USP19: variants seen among roughly 807,000 people sequenced by gnomAD.
USP19 encodes the protein ubiquitin carboxyl-terminal hydrolase 19.
Under a neutral mutation model 144.8 loss-of-function variants are expected in USP19, and 40 were observed. That is an observed-to-expected ratio of 0.28 (90% CI 0.21 to 0.36). The LOEUF (loss-of-function observed/expected upper bound fraction) is 0.36. Ranked by LOEUF, USP19 falls within the 10% of genes least tolerant of loss-of-function variation. USP19 has a pLI of 1.00. For synonymous variants in USP19, 701 were observed against 709.3 expected (o/e 0.99, Z 0.19); for missense variants, 1,518 against 1,822.5 (o/e 0.83, Z 3.04).
intron 26 of USP19, among the ~76,000 whole-genome samples, chr3:49,109,652 G>A (rs1018796559): frequency 5.9e-5 from 9 of 152,248 alleles, no homozygotes; most frequent in Non-Finnish European, 1.0e-4. Context: ...CCAGAAAAGA[G>A]ATGTGCCTAC....
In USP19 at chr3:49,108,347, C is replaced by A. The variant is rs1056912285; in HGVS notation, c.*65G>T. 1 of 538,022 alleles carries A rather than the reference C, an allele frequency of 1.9e-6. No homozygotes were observed. 33.3% of individuals were successfully genotyped at this position (538,022 alleles called of 1,614,324 possible). ...GTCCTCTGGGTTAGAGAAGGAGAAG[C>A]GGCAAGGAGCTGGCCCTCTGTGTGG... On this transcript the variant is annotated 3_prime_UTR_variant, in exon 27 of 27. Transcript: ENST00000417901. This position sits in a 1 kb window ranked among gnomAD's most constrained non-coding sequence, Gnocchi z 4.8.
Position 49,117,580 on chromosome 3 carries a change from G to C in USP19, c.473-10C>G. On this transcript the variant is annotated splice_polypyrimidine_tract_variant and intron_variant, in intron 4 of 26. Transcript: ENST00000417901. This position sits in a 1 kb window ranked among gnomAD's most constrained non-coding sequence, Gnocchi z 4.4. ...CCCCACTGCTGACCACCTGGGGACA[G>C]AGCAGGGTCCATGAGGTAGGATAGG... is the stretch of plus-strand genomic sequence containing the variant. 1.9e-6 allele frequency: 3 copies of C among 1,614,130 alleles called. No individual in the cohort carries two copies. Among genetic ancestry groups the C allele is most frequent in the Non-Finnish European group, 1.7e-6 (2 of 1,180,032 alleles).
Position 49,108,763 on chromosome 3 carries a change from A to T in USP19, c.4039-235T>A. The T allele has an allele frequency of 7.1e-7, 1 of 1,407,786 alleles. No individual in the cohort carries two copies. The highest frequency in any genetic ancestry group is 2.5e-4 in the Middle Eastern group (1 of 4,074). 87.2% of individuals were successfully genotyped at this position (1,407,786 alleles called of 1,614,324 possible). On this transcript the variant is annotated intron_variant, in intron 26 of 26. Coordinates refer to ENST00000417901, the MANE Select transcript of USP19 (RefSeq NM_001199161.2). The surrounding 1 kb of genome is among the most constrained non-coding windows in gnomAD (Gnocchi z 4.8). ...GCCTGAGGCCAAGGGTCAGAGCAGC[A>T]GGATGAATGGACAGACAGCCAGATG...
In USP19 at chr3:49,112,271, TG is replaced by T; in HGVS notation, c.2765+12del. ...TGGAAAGAAAGGGTAGGGGAGACCATGGGGGTCCTCACTGGTTGCAGTAGCC... is the reference window on the plus strand; with the variant it reads ...TGGAAAGAAAGGGTAGGGGAGACCATGGGGTCCTCACTGGTTGCAGTAGCC... On this transcript the variant is annotated intron_variant, in intron 19 of 26. Transcript: ENST00000417901. This position sits in a 1 kb window ranked among gnomAD's most constrained non-coding sequence, Gnocchi z 4.9. The T allele has an allele frequency of 1.3e-6, 2 of 1,599,642 alleles. No homozygotes were observed. Among genetic ancestry groups the T allele is most frequent in the Non-Finnish European group, 1.7e-6 (2 of 1,173,338 alleles).
At chr3:49,119,398 A>T (rs1336134714) in intron 1 of USP19, 117 bp from the exon 2 acceptor site, 1 of 444,124 alleles carries the variant, frequency 2.3e-6, no homozygotes, top group Non-Finnish European at 4.0e-6. Context: ...TCATCTCTTA[A>T]GTACCCCTGG....
chr3:49,112,416 T>A lies in USP19; in HGVS notation c.2647-14A>T, dbSNP rs1245528756. The A allele has an allele frequency of 6.2e-7, 1 of 1,613,854 alleles. No individual in the cohort carries two copies. The highest frequency in any genetic ancestry group is 1.3e-5 in the African/African-American group (1 of 74,894). ...CACCTGGGGGCGCTAGGGTGGGTCG[T>A]CTGGCTCAGCAAGACCAGGAAGAAG... On this transcript the variant is annotated splice_polypyrimidine_tract_variant and intron_variant, in intron 18 of 26. Coordinates refer to ENST00000417901, the MANE Select transcript of USP19 (RefSeq NM_001199161.2). This position sits in a 1 kb window ranked among gnomAD's most constrained non-coding sequence, Gnocchi z 4.9.
intron 1 of USP19, 52 bp from the exon 2 acceptor site, chr3:49,119,333 A>T: frequency 3.0e-6 from 2 of 673,206 alleles, no homozygotes; most frequent in Admixed American, 6.3e-5. Flanking sequence ...CTTGCTCTTT[A>T]GCTACACCCA....
Position 49,115,712 on chromosome 3 carries a change from C to T in USP19, c.1692+12G>A. On this transcript the variant is annotated intron_variant, in intron 11 of 26. Coordinates refer to ENST00000417901, the MANE Select transcript of USP19 (RefSeq NM_001199161.2). This position sits in a 1 kb window ranked among gnomAD's most constrained non-coding sequence, Gnocchi z 6.6. ...CCTCCATTCTTCGTCCTTCCCACCC[C>T]AGAATTCTCACCGAGGCCAGGTGTG... The T allele has an allele frequency of 6.2e-7, 1 of 1,608,186 alleles. No homozygotes were observed. Among genetic ancestry groups the T allele is most frequent in the Non-Finnish European group, 8.5e-7 (1 of 1,175,538 alleles).
intron 1 of USP19, among the ~76,000 whole-genome samples, chr3:49,120,126 G>T (rs564088622): frequency 6.6e-6 from 1 of 152,274 alleles, no homozygotes; most frequent in African/African-American, 2.4e-5. Context: ...CAAAATGAAG[G>T]TCTTGAAACT....
At chr3:49,118,199 A>T in intron 2 of USP19, 79 bp from the exon 3 acceptor site, 1 of 532,138 alleles carries the variant, frequency 1.9e-6, no homozygotes. Context: ...CAGGACTTTG[A>T]GGATGCAGTA....
In USP19 at chr3:49,115,903, T is replaced by G. The variant is rs201093030; in HGVS notation, c.1513A>C (p.Thr505Pro). 1 of 1,574,314 alleles carries G rather than the reference T, an allele frequency of 6.4e-7. No individual in the cohort carries two copies. The highest frequency in any genetic ancestry group is 1.9e-5 in the Admixed American group (1 of 52,388). Reference protein sequence around the residue: ...GAKVAVPTGPTPLDSTPPGGA... With the variant: ...GAKVAVPTGPPPLDSTPPGGA... The stretch of plus-strand genomic sequence containing the variant: ...CCTGGTGGGGTTGAATCCAGAGGGG[T>G]TGGACCTGTCGGCACGGCAACCTTT... The change falls in exon 11 of 27, where the codon ACC becomes CCC. Residue 505 changes from threonine (T) to proline (P), a missense_variant. This residue lies in a region of USP19 where 707 missense variants were observed against 728.9 expected (regional missense o/e 0.97). Transcript: ENST00000417901. This position sits in a 1 kb window ranked among gnomAD's most constrained non-coding sequence, Gnocchi z 6.6.
At position 49,112,011 on chromosome 3, in the gene USP19, G is replaced by T; in HGVS notation, c.2803C>A (p.Leu935Ile). ...QKTHWPDHKG[L>I]CRPENIGYPF... is the part of the protein sequence containing the mutation. The stretch of plus-strand genomic sequence containing the variant: ...TAGCCAATGTTCTCAGGTCGGCAGA[G>T]GCCCTTGTGGTCAGGCCAGTGGGTT... The change falls in exon 20 of 27, where the codon CTC becomes ATC. Residue 935 changes from leucine (L) to isoleucine (I), a missense_variant. Leu to Ile is a conservative substitution (Grantham distance 5). Transcript: ENST00000417901. The surrounding 1 kb of genome is among the most constrained non-coding windows in gnomAD (Gnocchi z 4.9). 6.2e-7 allele frequency: 1 copy of T among 1,614,126 alleles called. No homozygotes were observed.
At position 49,108,504 on chromosome 3, in the gene USP19, C is replaced by T. The variant is rs1396091422; in HGVS notation, c.4063G>A (p.Glu1355Lys). The change falls in exon 27 of 27, where the codon GAG becomes AAG. Residue 1355 changes from glutamate (E) to lysine (K), a missense_variant. By Grantham distance (56) the Glu-to-Lys change is moderately conservative (BLOSUM62 1). Transcript: ENST00000417901. The surrounding 1 kb of genome is among the most constrained non-coding windows in gnomAD (Gnocchi z 4.8). ...SQGLGPGQAP[E>K]VAPTRTAPER... ...GGGGCTGTCCGCGTGGGGGCCACCT[C>T]GGGGGCCTGGCCAGGGCCTAGTCCC... is the stretch of plus-strand genomic sequence containing the variant. 1.1e-5 allele frequency: 14 copies of T among 1,249,476 alleles called. No homozygotes were observed. Among genetic ancestry groups the T allele is most frequent in the Non-Finnish European group, 1.3e-5 (13 of 970,502 alleles). The allele number at this position is 1,249,476 out of a possible 1,614,324, so 77.4% of individuals were successfully genotyped here.
rs562402565 is a variant in USP19 at position 49,112,990 on chromosome 3, T to C, written c.2506-361A>G. On this transcript the variant is annotated intron_variant, in intron 17 of 26. Transcript: ENST00000417901. The surrounding 1 kb of genome is among the most constrained non-coding windows in gnomAD (Gnocchi z 4.9). ...CTCTTACCCCTAAGAAAACCAACAC[T>C]GTCAGGCTAAAGGCTAGGAACCCCT... Among the ~76,000 whole-genome samples, 1 of 152,228 alleles carries C rather than the reference T, an allele frequency of 6.6e-6. No individual in the cohort carries two copies. Among genetic ancestry groups the C allele is most frequent in the South Asian group, 2.1e-4 (1 of 4,824 alleles).
intron 1 of USP19, among the ~76,000 whole-genome samples, chr3:49,120,197 G>A (rs1158578964): frequency 1.3e-5 from 2 of 152,200 alleles, no homozygotes; most frequent in African/African-American, 2.4e-5. Flanking sequence ...CCTCAAGCCT[G>A]GCCTGAACCA....
In USP19 at chr3:49,115,553, C is replaced by T. The variant is rs1263379821; in HGVS notation, c.1779G>A (p.Lys593=). The T allele has an allele frequency of 6.2e-7, 1 of 1,614,026 alleles. No homozygotes were observed. Among genetic ancestry groups the T allele is most frequent in the Non-Finnish European group, 8.5e-7 (1 of 1,179,970 alleles). Residue 593 remains lysine (K), a synonymous_variant, in exon 12 of 27, where the codon AAG becomes AAA. Transcript: ENST00000417901. This position sits in a 1 kb window ranked among gnomAD's most constrained non-coding sequence, Gnocchi z 6.6. ...SVEEEEEEEK[K]VCLPGFTGLV... ...GGCCAGTGAAGCCTGGCAGACACAC[C>T]TTCTTCTCTTCCTCTTCCTCCTCCT...
Position 49,108,970 on chromosome 3 carries a change from A to C in USP19, c.4039-442T>G. 6.2e-7 allele frequency: 1 copy of C among 1,610,512 alleles called. No homozygotes were observed. The highest frequency in any genetic ancestry group is 2.2e-5 in the East Asian group (1 of 44,812). On this transcript the variant is annotated intron_variant, in intron 26 of 26. Transcript: ENST00000417901. This position sits in a 1 kb window ranked among gnomAD's most constrained non-coding sequence, Gnocchi z 4.8. ...CCTGCAGGCGAGCTCATCTCCAGCG[A>C]CTCTGGGATACCAGAGGATAGAACA...
chr3:49,111,316 T>A lies in USP19; in HGVS notation c.3267A>T (p.Thr1089=). 1.2e-6 allele frequency: 2 copies of A among 1,614,000 alleles called. No individual in the cohort carries two copies. Among genetic ancestry groups the A allele is most frequent in the Non-Finnish European group, 1.7e-6 (2 of 1,179,994 alleles). The change falls in exon 22 of 27, where the codon ACA becomes ACT. Residue 1089 remains threonine, a synonymous_variant. Coordinates refer to ENST00000417901, the MANE Select transcript of USP19 (RefSeq NM_001199161.2). This position sits in a 1 kb window ranked among gnomAD's most constrained non-coding sequence, Gnocchi z 5.9. ...QHPSEAMNAH[T]PQFFIYKIDS... ...CAATTTTATAGATGAAGAACTGGGG[T>A]GTGTGGGCATTCATAGCTTCACTTG...
rs369021409 is a variant in USP19, at chr3:49,110,221, G to A, written c.4001C>T (p.Pro1334Leu). ...PPRAGHSEHH[P>L]DLGPAAEAAA... ...AGCCTCAGCTGCAGGGCCTAGGTCT[G>A]GGTGGTGCTCAGAGTGACCTGCCCT... Residue 1334 changes from proline (P) to leucine (L), a missense_variant, in exon 26 of 27, where the codon CCA becomes CTA. Pro to Leu is a moderately conservative substitution (Grantham distance 98, BLOSUM62 -3). Around this residue, in one of 5 missense-constraint regions of USP19, gnomAD observed 118 missense variants for 100.2 expected, o/e 1.18. Transcript: ENST00000417901. This position sits in a 1 kb window ranked among gnomAD's most constrained non-coding sequence, Gnocchi z 6.1. 2 of 1,561,926 alleles carry A rather than the reference G, an allele frequency of 1.3e-6. No individual in the cohort carries two copies. The highest frequency in any genetic ancestry group is 2.4e-5 in the South Asian group (2 of 83,142).
Sources: gnomAD v4.1 joint callset for allele counts (sites outside exome capture counted in the v4.1 genomes callset) on GRCh38, gnomAD v4.1.1 for gene constraint, gnomAD v4.1.1 regional missense constraint, Gnocchi (gnomAD v3.1) non-coding constraint, MANE v1.5 for transcripts, NCBI Gene and HGNC (gene_info 2026-07-23, HGNC 2026-07-21) for gene names.